PSD2: variants seen among roughly 807,000 people sequenced by gnomAD.
PSD2 encodes the protein PH and SEC7 domain-containing protein 2.
PSD2 carries 38 observed loss-of-function variants against 69.8 expected under a neutral mutation model. The ratio of observed to expected loss-of-function variants is 0.54; its 90% CI spans 0.42 to 0.71. PSD2 has a LOEUF of 0.71. Ranked by LOEUF, PSD2 falls within the 30% of genes least tolerant of loss-of-function variation. The pLI is 0.00. For synonymous variants in PSD2, 412 were observed against 423.0 expected, an observed-to-expected ratio of 0.97 and a Z score of 0.32; for missense variants, 943 against 1,014.5, an observed-to-expected ratio of 0.93 and a Z score of 0.96.
the PSD2 span, among the ~76,000 whole-genome samples, chr5:139,766,920 C>CT: frequency 3.2e-5 from 1 of 30,920 alleles, no homozygotes; most frequent in Admixed American, 3.7e-4. Context: ...TTCCTTCCTT[C>CT]CTTCCTTCCC....
chr5:139,838,914 C>G, intron 13 of PSD2, 142 bp downstream of exon 13: 1 of 854,284 alleles, frequency 1.2e-6, no homozygotes, highest in Non-Finnish European at 1.8e-6. Context: ...CCTGTTCCCT[C>G]CATCCCAAGC....
intron 8 of PSD2, among the ~76,000 whole-genome samples, 187 bp from the exon 9 acceptor site, chr5:139,835,536 A>G (rs1356594887): frequency 6.6e-6 from 1 of 152,040 alleles, no homozygotes; most frequent in Non-Finnish European, 1.5e-5. Flanking sequence ...ACATAATTAA[A>G]TACCACCCAT....
intron 8 of PSD2, among the ~76,000 whole-genome samples, chr5:139,834,439 C>T (rs1051591306): frequency 3.3e-5 from 5 of 151,778 alleles, no homozygotes; most frequent in South Asian, 2.1e-4. Context: ...GTGCATGCCA[C>T]TGTGCCTGGC....
chr5:139,817,638 A>G (rs1358467205), intron 5 of PSD2, 77 bp downstream of exon 5: 2 of 1,261,868 alleles, frequency 1.6e-6, no homozygotes, highest in African/African-American at 1.5e-5. Flanking sequence ...ACTCTACCAT[A>G]AACTTGCTGT....
At chr5:139,830,610 C>CT (rs1273080509) in intron 7 of PSD2, among the ~76,000 whole-genome samples, 3 of 70,702 alleles carry the variant, frequency 4.2e-5, no homozygotes, top group Non-Finnish European at 7.9e-5. Flanking sequence ...CTTTCTTTCT[C>CT]TTTCTTTCTT....
chr5:139,816,463 C>T (rs748979286), intron 4 of PSD2, among the ~76,000 whole-genome samples: 3 of 152,120 alleles, frequency 2.0e-5, no homozygotes, highest in Non-Finnish European at 2.9e-5. Context: ...TCTTAAGTGC[C>T]GTGTATTTGT....
chr5:139,765,913 T>TGAG, the PSD2 span, among the ~76,000 whole-genome samples: 103,441 of 151,812 alleles, frequency 0.68, 36,955 homozygotes, highest in Admixed American at 0.78. Flanking sequence ...CCTAGGCCGA[T>TGAG]GAGAGGACGC....
Position 139,813,478 on chromosome 5 carries a change from A to G in PSD2, c.541A>G (p.Thr181Ala). Residue 181 changes from threonine (T) to alanine (A), a missense_variant, in exon 3 of 15, where the codon ACA becomes GCA. Coordinates refer to ENST00000274710, the MANE Select transcript of PSD2 (RefSeq NM_032289.4). ...CTGCGTCAGCTTCGAGGCCCCCCTC[A>G]CACCCCTCATCCAGCAGCGGGCCCG... is the stretch of plus-strand genomic sequence containing the variant. ...DSCVSFEAPL[T>A]PLIQQRARDS... 6.2e-7 allele frequency: 1 copy of G among 1,613,868 alleles called. No homozygotes were observed. Among genetic ancestry groups the G allele is most frequent in the South Asian group, 1.1e-5 (1 of 91,034 alleles).
At chr5:139,746,554 C>T in the PSD2 span, among the ~76,000 whole-genome samples, 2 of 152,168 alleles carry the variant, frequency 1.3e-5, no homozygotes, top group Non-Finnish European at 2.9e-5. This position sits in a 1 kb window ranked among gnomAD's most constrained non-coding sequence, Gnocchi z 4.5. Flanking sequence ...GGTACAGAAT[C>T]CCCCGCGGGG....
chr5:139,789,198 C>G, the PSD2 span, among the ~76,000 whole-genome samples: 1 of 152,230 alleles, frequency 6.6e-6, no homozygotes, highest in Non-Finnish European at 1.5e-5. Flanking sequence ...TGGATACCAA[C>G]TTCATCCAGG....
chr5:139,777,903 A>T, the PSD2 span, among the ~76,000 whole-genome samples: 2 of 152,198 alleles, frequency 1.3e-5, no homozygotes, highest in African/African-American at 4.8e-5. Flanking sequence ...AAATAAAAAA[A>T]GAAATGTAGG....
At chr5:139,748,131 C>G in the PSD2 span, among the ~76,000 whole-genome samples, 1 of 152,094 alleles carries the variant, frequency 6.6e-6, no homozygotes, top group Non-Finnish European at 1.5e-5. Flanking sequence ...CCCCCGGGGC[C>G]CCAGCACTGA....
At chr5:139,798,593 A>G (rs1759590622) in intron 1 of PSD2, among the ~76,000 whole-genome samples, 1 of 152,198 alleles carries the variant, frequency 6.6e-6, no homozygotes, top group Non-Finnish European at 1.5e-5. Flanking sequence ...ACCCACCTAC[A>G]TACCCTTCAC....
the PSD2 span, among the ~76,000 whole-genome samples, chr5:139,751,220 C>T: frequency 6.6e-6 from 1 of 152,192 alleles, no homozygotes; most frequent in Non-Finnish European, 1.5e-5. Flanking sequence ...CCACAGTCTT[C>T]TGGGACTCAA....
At chr5:139,835,464 AT>A (rs1329667742) in intron 8 of PSD2, among the ~76,000 whole-genome samples, 1 of 152,172 alleles carries the variant, frequency 6.6e-6, no homozygotes, top group Non-Finnish European at 1.5e-5. Flanking sequence ...TAGTGAACAA[AT>A]GGACAGCCTC....
the PSD2 span, among the ~76,000 whole-genome samples, chr5:139,764,252 C>T: frequency 1.3e-5 from 2 of 152,168 alleles, no homozygotes; most frequent in Admixed American, 1.3e-4. Flanking sequence ...TGTGACTTGT[C>T]GCCGCCACAA....
Position 139,838,724 on chromosome 5 carries a change from G to T in PSD2, c.1920G>T (p.Lys640Asn), listed in dbSNP as rs1277203905. ...PAFPAAVSSMKKFCRPLLPSC... is the reference protein window; with the variant it reads ...PAFPAAVSSMNKFCRPLLPSC... Reference sequence around the variant, plus strand: ...TCCCAGCCGCTGTCAGCTCCATGAAGAAGTTCTGTCGGCCCCTGCTGCCCT... The same window carrying T: ...TCCCAGCCGCTGTCAGCTCCATGAATAAGTTCTGTCGGCCCCTGCTGCCCT... Residue 640 changes from lysine (K) to asparagine (N), a missense_variant, in exon 13 of 15, where the codon AAG becomes AAT. Around this residue, in one of 3 missense-constraint regions of PSD2, gnomAD observed 312 missense variants for 400.7 expected, o/e 0.78. Transcript: ENST00000274710. 6.2e-7 allele frequency: 1 copy of T among 1,613,878 alleles called. No homozygotes were observed. The highest frequency in any genetic ancestry group is 8.5e-7 in the Non-Finnish European group (1 of 1,179,948).
chr5:139,790,533 A>T, the PSD2 span, among the ~76,000 whole-genome samples: 2 of 152,134 alleles, frequency 1.3e-5, no homozygotes, highest in African/African-American at 2.4e-5. Context: ...GCAAAGGAAG[A>T]TGAGAAGGTG....
chr5:139,834,297 T>A (rs1760663318), intron 8 of PSD2, among the ~76,000 whole-genome samples: 1 of 152,114 alleles, frequency 6.6e-6, no homozygotes, highest in Non-Finnish European at 1.5e-5. Context: ...ATTATTTTTA[T>A]ATTTTTGAGA....
Sources: allele counts gnomAD v4.1 joint callset (sites outside exome capture counted in the v4.1 genomes callset), GRCh38; gene constraint gnomAD v4.1.1; regional missense constraint gnomAD v4.1.1; non-coding constraint Gnocchi (gnomAD v3.1); transcripts MANE v1.5; gene names NCBI Gene and HGNC (gene_info 2026-07-23, HGNC 2026-07-21).